Variants in CIB4 observed in about 807,000 individuals in gnomAD.
CIB4 encodes calcium and integrin-binding family member 4.
A neutral mutation model predicts 25.8 loss-of-function variants in CIB4; 25 were observed. The observed-to-expected ratio is 0.97, with a 90% CI of 0.71 to 1.35. CIB4 has a LOEUF of 1.35. CIB4 is among the 40% of genes most tolerant of loss of function. The pLI is 0.00. For missense variants in CIB4, 235 were observed against 228.2 expected, an observed-to-expected ratio of 1.03 and a Z score of -0.19; for synonymous variants, 75 against 81.4, an observed-to-expected ratio of 0.92 and a Z score of 0.42.
rs146495511 is a variant in CIB4 at position 26,602,830 on chromosome 2, C to A, written c.187-7513G>T. On this transcript the variant is annotated intron_variant, in intron 3 of 6. Transcript: ENST00000288861. ...TAATCTCGAGCTTGGGTGGCTGAGGCGGGAGGCTCACTTGAGGACAGGCAT... is the reference window on the plus strand; with the variant it reads ...TAATCTCGAGCTTGGGTGGCTGAGGAGGGAGGCTCACTTGAGGACAGGCAT... Among the ~76,000 whole-genome samples the A allele has an allele frequency of 2.4e-3, 363 of 152,130 alleles. 1 individual carries two copies. The highest frequency in any genetic ancestry group is 4.4e-3 in the Non-Finnish European group (297 of 67,998).
rs1487833984 is a variant in CIB4 at position 26,638,809 on chromosome 2, G to A, written c.89+1724C>T. ...CTCTACAGAAATACAAAAATTTGCC[G>A]GGCGTGGTGGCAGGCACCTGTAGTC... On this transcript the variant is annotated intron_variant, in intron 2 of 6. Coordinates refer to ENST00000288861, the MANE Select transcript of CIB4 (RefSeq NM_001029881.3). Among the ~76,000 whole-genome samples the A allele has an allele frequency of 5.3e-5, 8 of 152,048 alleles. No homozygotes were observed. The East Asian group carries it at 5.8e-4, about 11-fold the overall frequency.
chr2:26,617,720 C>T (rs1395401378), intron 3 of CIB4, among the ~76,000 whole-genome samples: 2 of 152,166 alleles, frequency 1.3e-5, no homozygotes. Context: ...GCTGTCCCTG[C>T]CTGGGTTGAG....
rs1668395242 is a variant in CIB4 at position 26,583,710 on chromosome 2, C to T, written c.438+79G>A. ...CTGGGTCTCCTCCCAAGAGGGTGGC[C>T]TGACATCCGGGGGCTTTGGGTGACA... On this transcript the variant is annotated intron_variant, in intron 5 of 6. Coordinates refer to ENST00000288861, the MANE Select transcript of CIB4 (RefSeq NM_001029881.3). 4.3e-6 allele frequency: 4 copies of T among 938,288 alleles called. No homozygotes were observed. The South Asian group carries it at 5.3e-5, about 13-fold the overall frequency. The allele number at this position is 938,288 out of a possible 1,614,324, so 58.1% of individuals were successfully genotyped here.
chr2:26,584,569 G>C (rs75073025), intron 4 of CIB4, among the ~76,000 whole-genome samples: 1 of 152,236 alleles, frequency 6.6e-6, no homozygotes, highest in South Asian at 2.1e-4. Context: ...GGGACAAGAG[G>C]CAATATTCCC....
At chr2:26,589,508 G>T (rs1668545813) in intron 4 of CIB4, among the ~76,000 whole-genome samples, 1 of 152,078 alleles carries the variant, frequency 6.6e-6, no homozygotes, top group Non-Finnish European at 1.5e-5. Context: ...TTTTAGTAGA[G>T]ACGGGGTTTC....
rs3220777 is a variant in CIB4 at position 26,617,120 on chromosome 2, A to ATGTGTGTGTGTGTGTGTGTG, written c.186+12270_186+12289dup. On this transcript the variant is annotated intron_variant, in intron 3 of 6. Transcript: ENST00000288861. ...AACTTACCCACAGCAAGAGCATGGA[A>ATGTGTGTGTGTGTGTGTGTG]TGTGTGTGTGTGTGTGTGTGTGTGT... Among the ~76,000 whole-genome samples, 567 of 137,770 alleles carry ATGTGTGTGTGTGTGTGTGTG rather than the reference A, an allele frequency of 4.1e-3. 4 individuals are homozygous for ATGTGTGTGTGTGTGTGTGTG. Among genetic ancestry groups the ATGTGTGTGTGTGTGTGTGTG allele is most frequent in the African/African-American group, 9.6e-3 (335 of 34,804 alleles). 90.4% of individuals were successfully genotyped at this position (137,770 alleles called of 152,430 possible).
At chr2:26,640,713 G>T in intron 1 of CIB4, 146 bp from the exon 2 acceptor site, 1 of 792,234 alleles carries the variant, frequency 1.3e-6, no homozygotes. Flanking sequence ...GTGGATGCCT[G>T]AGGTGGCAGC....
At chr2:26,629,168 CTG>C (rs139889807) in intron 3 of CIB4, among the ~76,000 whole-genome samples, 2,029 of 152,292 alleles carry the variant, frequency 0.013, 52 homozygotes, top group African/African-American at 0.046. Context: ...GAAGTAGTGA[CTG>C]TTATCACAGG....
intron 3 of CIB4, among the ~76,000 whole-genome samples, chr2:26,597,499 AG>A (rs1668702992): frequency 6.6e-6 from 1 of 152,128 alleles, no homozygotes; most frequent in South Asian, 2.1e-4. Context: ...AAGATTTCAA[AG>A]AATAATGAAG....
chr2:26,601,827 C>G (rs149675833), intron 3 of CIB4, among the ~76,000 whole-genome samples: 226 of 152,154 alleles, frequency 1.5e-3, no homozygotes, highest in African/African-American at 5.2e-3. Flanking sequence ...AATGAAGAAC[C>G]ATTGATTAAT....
chr2:26,625,160 A>G (rs1032737419), intron 3 of CIB4, among the ~76,000 whole-genome samples: 3 of 152,126 alleles, frequency 2.0e-5, no homozygotes, highest in Non-Finnish European at 2.9e-5. Flanking sequence ...AGGGCACCAG[A>G]TCATCGGTCC....
At chr2:26,609,303 G>C (rs1216954610) in intron 3 of CIB4, among the ~76,000 whole-genome samples, 1 of 152,102 alleles carries the variant, frequency 6.6e-6, no homozygotes, top group African/African-American at 2.4e-5. Context: ...GAGGAGGGCA[G>C]GGGGAAGAGG....
intron 4 of CIB4, among the ~76,000 whole-genome samples, chr2:26,591,731 A>G (rs1668589938): frequency 6.6e-6 from 1 of 152,188 alleles, no homozygotes; most frequent in Admixed American, 6.5e-5. Context: ...TTATGACTCC[A>G]TCTTGCCAGT....
intron 3 of CIB4, among the ~76,000 whole-genome samples, chr2:26,614,579 G>C (rs1669056670): frequency 6.6e-6 from 1 of 152,246 alleles, no homozygotes; most frequent in Non-Finnish European, 1.5e-5. Context: ...AGGGCGCCCA[G>C]TTCCGGCTGG....
Position 26,588,620 on chromosome 2 carries a change from G to A in CIB4, c.329-4722C>T, listed in dbSNP as rs1458379970. On this transcript the variant is annotated intron_variant, in intron 4 of 6. Coordinates refer to ENST00000288861, the MANE Select transcript of CIB4 (RefSeq NM_001029881.3). The stretch of plus-strand genomic sequence containing the variant: ...TACAGAAATCAACCTGTGGTGGAGG[G>A]AGGGCTCCTTTCACCGTGACTTTTG... Among the ~76,000 whole-genome samples, 5 of 152,220 alleles carry A rather than the reference G, an allele frequency of 3.3e-5. No homozygotes were observed. In the East Asian group the frequency reaches 9.6e-4, roughly 29 times the overall value.
At chr2:26,595,556 A>G (rs968441630) in intron 3 of CIB4, among the ~76,000 whole-genome samples, 6 of 152,232 alleles carry the variant, frequency 3.9e-5, no homozygotes, top group East Asian at 1.9e-4. Flanking sequence ...GGATGCCACA[A>G]TTGAAGATAA....
intron 2 of CIB4, among the ~76,000 whole-genome samples, chr2:26,632,770 AAAG>A (rs1250690046): frequency 1.2e-4 from 18 of 151,738 alleles, no homozygotes; most frequent in African/African-American, 4.4e-4. Flanking sequence ...AAAAAAAAAA[AAAG>A]AAAAAGAAAG....
At chr2:26,605,392 C>A (rs1374806249) in intron 3 of CIB4, 1 of 414,348 alleles carries the variant, frequency 2.4e-6, no homozygotes, top group African/African-American at 2.1e-5. Context: ...GAACCCATTC[C>A]ACCCTGTGCT....
chr2:26,620,789 A>T (rs2148217499), intron 3 of CIB4, among the ~76,000 whole-genome samples: 1 of 152,284 alleles, frequency 6.6e-6, no homozygotes, highest in African/African-American at 2.4e-5. Flanking sequence ...CAAGCCAAGG[A>T]CCCAAACAAA....
Sources: allele counts gnomAD v4.1 joint callset (sites outside exome capture counted in the v4.1 genomes callset), GRCh38; gene constraint gnomAD v4.1.1; transcripts MANE v1.5; gene names NCBI Gene and HGNC (gene_info 2026-07-23, HGNC 2026-07-21).